The following ABCA3 variants were observed in gnomAD, a reference collection of about 807,000 sequenced individuals.
The protein encoded by ABCA3 is phospholipid-transporting ATPase ABCA3.
A neutral mutation model predicts 172.8 loss-of-function variants in ABCA3; 88 were observed. The observed-to-expected ratio is 0.51, with a 90% CI of 0.43 to 0.61. The LOEUF is 0.61. Among genes scored for constraint, ABCA3 ranks in the 20% least tolerant of loss-of-function variants. The pLI is 0.00. For missense variants in ABCA3, 2,164 were observed against 2,301.0 expected (o/e 0.94, Z 1.22); for synonymous variants, 1,066 against 983.8 (o/e 1.08, Z -1.56).
intron 19 of ABCA3, 37 bp from the exon 20 acceptor site, chr16:2,289,657 C>G (rs2093668788): frequency 6.5e-7 from 1 of 1,542,264 alleles, no homozygotes; most frequent in African/African-American, 1.4e-5. Flanking sequence ...CAGGACCCAG[C>G]TCCCCGGGTG....
chr16:2,296,838 C>T (rs986038568), intron 17 of ABCA3, among the ~76,000 whole-genome samples: 13 of 152,280 alleles, frequency 8.5e-5, no homozygotes, highest in African/African-American at 2.6e-4. Context: ...GAGGAGGGCT[C>T]CTATGTCTTT....
chr16:2,281,030 T>A lies in ABCA3; in HGVS notation c.4356A>T (p.Gly1452=). Residue 1452 remains glycine (G), a synonymous_variant, in exon 28 of 33, where the codon GGA becomes GGT. Coordinates refer to ENST00000301732, the MANE Select transcript of ABCA3 (RefSeq NM_001089.3). This position sits in a 1 kb window ranked among gnomAD's most constrained non-coding sequence, Gnocchi z 4.7. The part of the protein sequence containing the change: ...VGGHRISSDV[G]KVRQRIGYCP... Reference sequence around the variant, plus strand: ...GAGCCTCCCTGGCTGCACCCACCTTTCCGACATCAGAGCTGATTCTGTGAC... The same window carrying A: ...GAGCCTCCCTGGCTGCACCCACCTTACCGACATCAGAGCTGATTCTGTGAC... 2.5e-6 allele frequency: 4 copies of A among 1,613,794 alleles called. No homozygotes were observed. The highest frequency in any genetic ancestry group is 3.4e-6 in the Non-Finnish European group (4 of 1,179,996).
At position 2,287,055 on chromosome 16, in the gene ABCA3, A is replaced by C. The variant is rs1476991531; in HGVS notation, c.3005-88T>G. 9 of 1,465,212 alleles carry C rather than the reference A, an allele frequency of 6.1e-6. No homozygotes were observed. Among genetic ancestry groups the C allele is most frequent in the Non-Finnish European group, 8.4e-6 (9 of 1,074,178 alleles). 90.8% of individuals were successfully genotyped at this position (1,465,212 alleles called of 1,614,324 possible). ...CCTGAGCATGGCTAATCAGGGACCCAATAGAGTGGTGCCAGCATCCTCTGA... is the reference window on the plus strand; with the variant it reads ...CCTGAGCATGGCTAATCAGGGACCCCATAGAGTGGTGCCAGCATCCTCTGA... On this transcript the variant is annotated intron_variant, in intron 21 of 32. Coordinates refer to ENST00000301732, the MANE Select transcript of ABCA3 (RefSeq NM_001089.3). This position sits in a 1 kb window ranked among gnomAD's most constrained non-coding sequence, Gnocchi z 4.1.
At chr16:2,324,856 G>A (rs1405095056) in intron 5 of ABCA3, among the ~76,000 whole-genome samples, 1 of 152,152 alleles carries the variant, frequency 6.6e-6, no homozygotes, top group Non-Finnish European at 1.5e-5. Context: ...GCAGCCCGGG[G>A]TGGCTTCTCT....
rs369424856 is a variant in ABCA3 at position 2,284,239 on chromosome 16, A to G, written c.3862+40T>C. On this transcript the variant is annotated intron_variant, in intron 25 of 32. Transcript: ENST00000301732. This position sits in a 1 kb window ranked among gnomAD's most constrained non-coding sequence, Gnocchi z 5.9. The stretch of plus-strand genomic sequence containing the variant: ...CCTCTGCAGTGACCACGTCCTGAGG[A>G]CGCAGGGGTGCTGCCCGGGGTCGGG... 4.2e-3 allele frequency: 6,702 copies of G among 1,599,642 alleles called. 29 individuals carry two copies. Among genetic ancestry groups the G allele is most frequent in the Non-Finnish European group, 5.2e-3 (6,116 of 1,171,996 alleles).
At chr16:2,324,701 T>C (rs2093731595) in intron 5 of ABCA3, among the ~76,000 whole-genome samples, 170 bp from the exon 6 acceptor site, 1 of 152,032 alleles carries the variant, frequency 6.6e-6, no homozygotes, top group Admixed American at 6.6e-5. Flanking sequence ...CAAGCTGCCA[T>C]CAAGGAGGGC....
In ABCA3 at chr16:2,317,278, C is replaced by T. The variant is rs2093717453; in HGVS notation, c.1111+5G>A. ...ACCCCACTCTGCCCCATGACTGGGG[C>T]TCACCTTTGCTGAAGAAGGTGCTGA... On this transcript the variant is annotated splice_donor_5th_base_variant and intron_variant, in intron 10 of 32. Transcript: ENST00000301732. 6.2e-7 allele frequency: 1 copy of T among 1,613,870 alleles called. No homozygotes were observed. Among genetic ancestry groups the T allele is most frequent in the South Asian group, 1.1e-5 (1 of 91,066 alleles).
rs764031318 is a variant in ABCA3 at position 2,308,580 on chromosome 16, G to C, written c.1155C>G (p.Thr385=). The C allele has an allele frequency of 1.9e-6, 3 of 1,614,216 alleles. No individual in the cohort carries two copies. The highest frequency in any genetic ancestry group is 1.1e-5 in the South Asian group (1 of 91,078). ...GGGCCACGAAGAAGTAGGGGATGTAGGTGAAGAAGTAGAGGAAGCCTCCGA... is the reference window on the plus strand; with the variant it reads ...GGGCCACGAAGAAGTAGGGGATGTACGTGAAGAAGTAGAGGAAGCCTCCGA... The part of the protein sequence containing the change: ...AAFGGFLYFF[T]YIPYFFVAPR... The change falls in exon 11 of 33, where the codon ACC becomes ACG. Residue 385 remains threonine, a synonymous_variant. Transcript: ENST00000301732.
Position 2,326,443 on chromosome 16 carries a change from C to A in ABCA3, c.24G>T (p.Ala8=), listed in dbSNP as rs747304976. 3.1e-6 allele frequency: 5 copies of A among 1,612,434 alleles called. No individual in the cohort carries two copies. The East Asian group carries it at 1.1e-4, about 36-fold the overall frequency. ...GGGTGTAGTTCTTCCAGAGGAGGAG[C>A]GCCAGCTGCCTGAGCACAGCCATCG... MAVLRQL[A]LLLWKNYTLQ... is the part of the protein sequence containing the mutation. The change falls in exon 4 of 33, where the codon GCG becomes GCT. Residue 8 remains alanine, a synonymous_variant. Coordinates refer to ENST00000301732, the MANE Select transcript of ABCA3 (RefSeq NM_001089.3).
Position 2,285,402 on chromosome 16 carries a change from G to A in ABCA3, c.3483+40C>T, listed in dbSNP as rs768303400. ...AGGGGTCCCAGGGCAAGCCCTCTGC[G>A]GTCTGCAGGGGAACGGATCCAGCAC... On this transcript the variant is annotated intron_variant, in intron 23 of 32. Coordinates refer to ENST00000301732, the MANE Select transcript of ABCA3 (RefSeq NM_001089.3). The surrounding 1 kb of genome is among the most constrained non-coding windows in gnomAD (Gnocchi z 4.7). The A allele has an allele frequency of 7.6e-6, 12 of 1,569,200 alleles. No individual in the cohort carries two copies. The highest frequency in any genetic ancestry group is 1.4e-5 in the African/African-American group (1 of 74,056).
At position 2,285,405 on chromosome 16, in the gene ABCA3, C is replaced by A. The variant is rs761600720; in HGVS notation, c.3483+37G>T. The A allele has an allele frequency of 3.2e-6, 5 of 1,576,670 alleles. No homozygotes were observed. Among genetic ancestry groups the A allele is most frequent in the South Asian group, 2.3e-5 (2 of 86,272 alleles). On this transcript the variant is annotated intron_variant, in intron 23 of 32. Transcript: ENST00000301732. This position sits in a 1 kb window ranked among gnomAD's most constrained non-coding sequence, Gnocchi z 4.7. ...GGTCCCAGGGCAAGCCCTCTGCGGT[C>A]TGCAGGGGAACGGATCCAGCACCCT...
At chr16:2,301,000 G>A (rs930167072) in intron 12 of ABCA3, among the ~76,000 whole-genome samples, 3 of 151,910 alleles carry the variant, frequency 2.0e-5, no homozygotes, top group Admixed American at 1.3e-4. Context: ...GGAGGCCGAG[G>A]CGGGCGGATC....
Position 2,297,199 on chromosome 16 carries a change from A to G in ABCA3, c.2263+130T>C, listed in dbSNP as rs2093681127. 7 of 1,007,950 alleles carry G rather than the reference A, an allele frequency of 6.9e-6. No homozygotes were observed. Among genetic ancestry groups the G allele is most frequent in the Non-Finnish European group, 9.0e-6 (6 of 666,684 alleles). 62.4% of individuals were successfully genotyped at this position (1,007,950 alleles called of 1,614,324 possible). A position where few individuals can be genotyped will look rare whatever the true frequency, so the allele number is the denominator to read the frequency against. On this transcript the variant is annotated intron_variant, in intron 17 of 32. Transcript: ENST00000301732. The surrounding 1 kb of genome is among the most constrained non-coding windows in gnomAD (Gnocchi z 5.6). ...CTGCCTGGTTGGGCTCTCCACCCAG[A>G]GGCAACAGACAGGAAGTCTAGAAAA...
chr16:2,310,629 A>G (rs1382970992), intron 10 of ABCA3, among the ~76,000 whole-genome samples: 1 of 148,262 alleles, frequency 6.7e-6, no homozygotes, highest in Non-Finnish European at 1.5e-5. Flanking sequence ...CGATTCTCCC[A>G]CCTCAGCCTC....
chr16:2,278,845 G>C lies in ABCA3; in HGVS notation c.4547+98C>G. On this transcript the variant is annotated intron_variant, in intron 29 of 32. Transcript: ENST00000301732. This position sits in a 1 kb window ranked among gnomAD's most constrained non-coding sequence, Gnocchi z 4.4. Reference sequence around the variant, plus strand: ...CTCCATCCTGGAGCCACAAGCAGGAGCTCTGGCTGCTGACCTGAGCGGTCA... The same window carrying C: ...CTCCATCCTGGAGCCACAAGCAGGACCTCTGGCTGCTGACCTGAGCGGTCA... The C allele has an allele frequency of 6.5e-7, 1 of 1,541,426 alleles. No homozygotes were observed. Among genetic ancestry groups the C allele is most frequent in the Admixed American group, 1.7e-5 (1 of 59,748 alleles).
chr16:2,276,852 C>T, intron 32 of ABCA3, 47 bp from the exon 33 acceptor site: 1 of 1,611,084 alleles, frequency 6.2e-7, no homozygotes, highest in Non-Finnish European at 8.5e-7. Context: ...AGGGCCCAGG[C>T]TCCTCTGCGG....
rs2093649452 is a variant in ABCA3, at chr16:2,278,123, G to C, written c.4719-54C>G. On this transcript the variant is annotated intron_variant, in intron 30 of 32. Transcript: ENST00000301732. The surrounding 1 kb of genome is among the most constrained non-coding windows in gnomAD (Gnocchi z 4.4). ...GCTTGGGGTGCCAAAGGCTTGTGCA[G>C]ACAGGAAGGCATTGGCTCTCCGATC... 1 of 1,609,550 alleles carries C rather than the reference G, an allele frequency of 6.2e-7. No homozygotes were observed. The highest frequency in any genetic ancestry group is 8.5e-7 in the Non-Finnish European group (1 of 1,178,432).
intron 1 of ABCA3, chr16:2,332,673 G>GC: frequency 6.3e-7 from 1 of 1,599,794 alleles, no homozygotes; most frequent in Non-Finnish European, 8.5e-7. Context: ...GACCATTGCC[G>GC]CGTTTGCAGT....
Position 2,289,599 on chromosome 16 carries a change from G to A in ABCA3, c.2535C>T (p.Ser845=). 3 of 1,553,592 alleles carry A rather than the reference G, an allele frequency of 1.9e-6. No homozygotes were observed. The highest frequency in any genetic ancestry group is 2.6e-6 in the Non-Finnish European group (3 of 1,149,398). ...VFLRVGKLVD[S]SMDIQAIQLP... is the part of the protein sequence containing the mutation. ...GCTGGATGGCCTGGATGTCCATACT[G>A]CTGTCCACCAGCTTCCCGACCCTGT... is the stretch of plus-strand genomic sequence containing the variant. The change falls in exon 20 of 33, where the codon AGC becomes AGT. Residue 845 remains serine, a synonymous_variant. Transcript: ENST00000301732.
Sources: gnomAD v4.1 joint callset for allele counts (sites outside exome capture counted in the v4.1 genomes callset) on GRCh38, gnomAD v4.1.1 for gene constraint, Gnocchi (gnomAD v3.1) non-coding constraint, MANE v1.5 for transcripts, NCBI Gene and HGNC (gene_info 2026-07-23, HGNC 2026-07-21) for gene names.